DUOX1: variants seen among roughly 807,000 people sequenced by gnomAD.
The protein encoded by DUOX1 is NADPH thyroid oxidase 1.
A neutral mutation model predicts 181.8 loss-of-function variants in DUOX1; 134 were observed. That is an observed-to-expected ratio of 0.74 (90% confidence interval 0.64 to 0.85). The LOEUF is 0.85. Among genes scored for constraint, DUOX1 ranks in the 40% least tolerant of loss-of-function variants. DUOX1 has a pLI of 0.00. For missense variants in DUOX1, 1,814 were observed against 2,064.4 expected, an observed-to-expected ratio of 0.88 and a Z score of 2.35; for synonymous variants, 798 against 832.5, an observed-to-expected ratio of 0.96 and a Z score of 0.71.
At chr15:45,137,176 C>G (rs1407842681) in intron 9 of DUOX1, among the ~76,000 whole-genome samples, 1 of 131,786 alleles carries the variant, frequency 7.6e-6, no homozygotes, top group African/African-American at 2.9e-5. Flanking sequence ...GCAGAAACCT[C>G]GTCTCTACTA....
chr15:45,140,824 T>C (rs1355168844), intron 12 of DUOX1, 71 bp from the exon 13 acceptor site: 7 of 1,496,586 alleles, frequency 4.7e-6, no homozygotes, highest in Non-Finnish European at 6.5e-6. Flanking sequence ...GGCTAATCCC[T>C]GGGAGCCACC....
intron 11 of DUOX1, 103 bp downstream of exon 11, chr15:45,139,271 G>A (rs1159793672): frequency 6.2e-7 from 1 of 1,605,144 alleles, no homozygotes; most frequent in Non-Finnish European, 8.5e-7. Context: ...GGGGCTGGGA[G>A]CCTGCACTGC....
chr15:45,137,549 G>A (rs555283364), intron 9 of DUOX1, among the ~76,000 whole-genome samples: 1 of 151,984 alleles, frequency 6.6e-6, no homozygotes, highest in South Asian at 2.1e-4. Context: ...AGACAATTGA[G>A]TTATTCATAG....
chr15:45,144,314 G>C, intron 17 of DUOX1, 79 bp downstream of exon 17: 3 of 1,468,996 alleles, frequency 2.0e-6, no homozygotes, highest in Non-Finnish European at 9.4e-7. Context: ...AGAAGCATGG[G>C]GTCAGGAGGC....
intron 10 of DUOX1, 93 bp from the exon 11 acceptor site, chr15:45,138,973 C>T: frequency 8.6e-7 from 1 of 1,167,284 alleles, no homozygotes; most frequent in Non-Finnish European, 1.2e-6. Flanking sequence ...TGGGTGGGCT[C>T]AGGGATAAGG....
At chr15:45,145,344 C>T (rs1366691648) in intron 18 of DUOX1, among the ~76,000 whole-genome samples, 2 of 152,202 alleles carry the variant, frequency 1.3e-5, no homozygotes, top group Admixed American at 6.5e-5. Flanking sequence ...CTCCTCAGGG[C>T]TGCCCAGACT....
At chr15:45,143,074 G>A in intron 15 of DUOX1, 116 bp from the exon 16 acceptor site, 1 of 730,690 alleles carries the variant, frequency 1.4e-6, no homozygotes, top group East Asian at 2.7e-5. Context: ...AATTGAGCAA[G>A]CTGACCTAGG....
rs1173798158 is a variant in DUOX1 at position 45,151,183 on chromosome 15, T to G, written c.2949T>G (p.Pro983=). The change falls in exon 23 of 34, where the codon CCT becomes CCG. Residue 983 remains proline, a synonymous_variant. Transcript: ENST00000389037. ...GCGACATTGAGACTGAGTTGACACC[T>G]CAGAGACTGCAGTGCCCCATGGACA... ...SRSDIETELT[P]QRLQCPMDTD... 1.2e-6 allele frequency: 2 copies of G among 1,614,166 alleles called. No homozygotes were observed. Among genetic ancestry groups the G allele is most frequent in the African/African-American group, 2.7e-5 (2 of 75,042 alleles).
In DUOX1 at chr15:45,156,487, C is replaced by A. The variant is rs567969993; in HGVS notation, c.3702+558C>A. On this transcript the variant is annotated intron_variant, in intron 28 of 33. Transcript: ENST00000389037. ...TCGCCCTGTCGCCCAGGCTGGAGTG[C>A]AATGGCATGATCTCAACTCACAGCA... Among the ~76,000 whole-genome samples the A allele has an allele frequency of 2.3e-3, 357 of 152,272 alleles. 3 individuals carry two copies. The highest frequency in any genetic ancestry group is 3.1e-3 in the Non-Finnish European group (211 of 68,012).
chr15:45,133,681 G>A (rs576653864), intron 2 of DUOX1, among the ~76,000 whole-genome samples, 183 bp from the exon 3 acceptor site: 31 of 152,272 alleles, frequency 2.0e-4, no homozygotes, highest in African/African-American at 7.5e-4. Context: ...TTAAAGATCT[G>A]GCTTGAGTTT....
chr15:45,151,026 C>G, intron 22 of DUOX1, 97 bp from the exon 23 acceptor site: 1 of 1,537,140 alleles, frequency 6.5e-7, no homozygotes. Context: ...CAGCTCTGAT[C>G]CTTCCTCAGC....
chr15:45,137,016 A>T (rs1284383856), intron 9 of DUOX1, among the ~76,000 whole-genome samples: 1 of 152,000 alleles, frequency 6.6e-6, no homozygotes, highest in East Asian at 1.9e-4. Flanking sequence ...TGCAATCTGA[A>T]GGAAAATATT....
chr15:45,160,130 TGACA>T (rs1320036058), intron 28 of DUOX1, among the ~76,000 whole-genome samples: 2 of 152,018 alleles, frequency 1.3e-5, no homozygotes, highest in African/African-American at 4.8e-5. Context: ...CCAGCCTGGG[TGACA>T]GAATGAGACT....
rs1896171288 is a variant in DUOX1, at chr15:45,132,019, C to T, written c.53C>T (p.Pro18Leu). Reference protein sequence around the residue: ...AWTLLVGAWTPLGAQNPISWE... With the variant: ...AWTLLVGAWTLLGAQNPISWE... ...ACACTTCTGGTTGGGGCATGGACCC[C>T]TCTGGGTGAGTACAGATTGGAGGAG... The change falls in exon 2 of 34, where the codon CCT becomes CTT. Residue 18 changes from proline to leucine, a missense_variant. By Grantham distance (98) the Pro-to-Leu change is moderately conservative. Coordinates refer to ENST00000389037, the MANE Select transcript of DUOX1 (RefSeq NM_175940.3). The T allele has an allele frequency of 1.2e-6, 2 of 1,610,622 alleles. No homozygotes were observed. The highest frequency in any genetic ancestry group is 1.1e-5 in the South Asian group (1 of 90,442).
At chr15:45,136,755 G>C in intron 9 of DUOX1, 130 bp downstream of exon 9, 1 of 800,872 alleles carries the variant, frequency 1.2e-6, no homozygotes. Flanking sequence ...CCGATAGAGA[G>C]GGGAAGAAAA....
chr15:45,143,727 T>C (rs942823257), intron 16 of DUOX1, among the ~76,000 whole-genome samples: 3 of 152,260 alleles, frequency 2.0e-5, no homozygotes, highest in African/African-American at 7.2e-5. Flanking sequence ...AACCATTTTT[T>C]TCTTATCCAT....
chr15:45,141,144 G>T (rs1896480561), intron 13 of DUOX1, 74 bp downstream of exon 13: 1 of 1,584,784 alleles, frequency 6.3e-7, no homozygotes, highest in Non-Finnish European at 8.7e-7. Flanking sequence ...GCCTTAGACA[G>T]CCCCCATGAG....
intron 29 of DUOX1, among the ~76,000 whole-genome samples, chr15:45,161,459 A>G (rs1377446263): frequency 2.1e-3 from 216 of 103,324 alleles, no homozygotes; most frequent in Admixed American, 2.9e-3. Context: ...GGAGGGAGGG[A>G]GGGAGGAAGG....
At chr15:45,140,132 G>T (rs2141263727) in intron 12 of DUOX1, 2 of 1,016,518 alleles carry the variant, frequency 2.0e-6, no homozygotes, top group Non-Finnish European at 2.9e-6. Flanking sequence ...CTGAACAGGG[G>T]TCCTGTTCAG....
Sources: gnomAD v4.1 joint callset for allele counts (sites outside exome capture counted in the v4.1 genomes callset) on GRCh38, gnomAD v4.1.1 for gene constraint, MANE v1.5 for transcripts, NCBI Gene and HGNC (gene_info 2026-07-23, HGNC 2026-07-21) for gene names.